The following SLC25A20 variants were observed in gnomAD, a reference collection of about 807,000 sequenced individuals.
The protein encoded by SLC25A20 is solute carrier family 25 member 20.
In SLC25A20, 29 loss-of-function variants were observed where a neutral mutation model predicts 39.7. The ratio of observed to expected loss-of-function variants is 0.73; its 90% CI spans 0.54 to 1.00. The LOEUF is 1.00. SLC25A20 is among the 50% of genes least tolerant of loss of function. SLC25A20 has a pLI of 0.00. For synonymous variants in SLC25A20, 103 were observed against 142.2 expected, an observed-to-expected ratio of 0.72 and a Z score of 1.96; for missense variants, 333 against 379.9, an observed-to-expected ratio of 0.88 and a Z score of 1.03.
chr3:48,891,016 T>C (rs1274721079), intron 2 of SLC25A20, among the ~76,000 whole-genome samples: 1 of 152,066 alleles, frequency 6.6e-6, no homozygotes, highest in Admixed American at 6.6e-5. Context: ...ACTACCAGTC[T>C]CCATGTCTTG....
At chr3:48,872,454 A>C (rs1226670655) in intron 4 of SLC25A20, among the ~76,000 whole-genome samples, 1 of 151,804 alleles carries the variant, frequency 6.6e-6, no homozygotes, top group East Asian at 1.9e-4. Flanking sequence ...TAAAAGGTGC[A>C]AACACAGTTC....
chr3:48,862,733 A>G, intron 4 of SLC25A20, 74 bp from the exon 5 acceptor site: 2 of 922,758 alleles, frequency 2.2e-6, no homozygotes, highest in South Asian at 1.3e-5. Context: ...GAGACTACAA[A>G]GTAAGTATGG....
In SLC25A20 at chr3:48,878,273, AATAT is replaced by A. The variant is rs201286551; in HGVS notation, c.417+1081_417+1084del. On this transcript the variant is annotated intron_variant, in intron 4 of 8. Transcript: ENST00000319017. ...AGACTCCATCTCCACAAAAAAAAAA[AATAT>A]ATATATATATATATATATATATGTA... Among the ~76,000 whole-genome samples, 1,152 of 127,590 alleles carry A rather than the reference AATAT, an allele frequency of 9.0e-3. 24 individuals are homozygous for A. Among genetic ancestry groups the A allele is most frequent in the African/African-American group, 0.023 (828 of 35,254 alleles). The allele number at this position is 127,590 out of a possible 152,430, so 83.7% of individuals were successfully genotyped here. A position where few individuals can be genotyped will look rare whatever the true frequency, so the allele number is the denominator to read the frequency against.
intron 8 of SLC25A20, among the ~76,000 whole-genome samples, chr3:48,858,303 A>G (rs1406420513): frequency 6.6e-6 from 1 of 152,132 alleles, no homozygotes; most frequent in African/African-American, 2.4e-5. Flanking sequence ...AGGTCAGGAA[A>G]TCAAAGCCCC....
Position 48,898,807 on chromosome 3 carries a change from T to C in SLC25A20, c.-13A>G. 6.4e-7 allele frequency: 1 copy of C among 1,555,288 alleles called. No homozygotes were observed. Among genetic ancestry groups the C allele is most frequent in the Non-Finnish European group, 8.7e-7 (1 of 1,149,186 alleles). On this transcript the variant is annotated 5_prime_UTR_variant, in exon 1 of 9. Coordinates refer to ENST00000319017, the MANE Select transcript of SLC25A20 (RefSeq NM_000387.6). ...GCTGGTCGGCCATGGTCAGTCCGTC[T>C]GTCACTCCGTCTGTCAGTTCTCGGG...
chr3:48,881,751 C>T (rs1227173195), intron 3 of SLC25A20, among the ~76,000 whole-genome samples: 1 of 152,102 alleles, frequency 6.6e-6, no homozygotes, highest in African/African-American at 2.4e-5. Context: ...CATGCATGGC[C>T]CTGATACATC....
chr3:48,860,396 C>T (rs536662302), intron 5 of SLC25A20, among the ~76,000 whole-genome samples: 14 of 151,814 alleles, frequency 9.2e-5, no homozygotes, highest in African/African-American at 2.4e-4. Context: ...GGGCGGATCA[C>T]GAGGTCAAGA....
chr3:48,891,131 C>T (rs1019108048), intron 2 of SLC25A20, among the ~76,000 whole-genome samples: 13 of 151,884 alleles, frequency 8.6e-5, no homozygotes, highest in African/African-American at 2.9e-4. Context: ...CGCTAAGCCC[C>T]GTAGGGCTGG....
Position 48,879,364 on chromosome 3 carries a change from T to G in SLC25A20, c.411A>C (p.Leu137Phe), listed in dbSNP as rs758883469. The stretch of plus-strand genomic sequence containing the variant: ...CCTCCAATCACAACCTTACCTGTAA[T>G]AAGCACTTGATCCGTTCTCCAGGAG... Reference protein sequence around the residue: ...IMTPGERIKCLLQIQASSGES... With the variant: ...IMTPGERIKCFLQIQASSGES... Residue 137 changes from leucine to phenylalanine, a missense_variant, in exon 4 of 9, where the codon TTA becomes TTC. Transcript: ENST00000319017. 6.2e-7 allele frequency: 1 copy of G among 1,608,862 alleles called. No homozygotes were observed. Among genetic ancestry groups the G allele is most frequent in the Non-Finnish European group, 8.5e-7 (1 of 1,175,340 alleles).
chr3:48,882,754 T>C (rs2083803384), intron 3 of SLC25A20, among the ~76,000 whole-genome samples: 1 of 152,092 alleles, frequency 6.6e-6, no homozygotes, highest in Non-Finnish European at 1.5e-5. Context: ...CCCAGAGTGA[T>C]GGTGTGTGCC....
chr3:48,859,305 G>A, intron 6 of SLC25A20, 104 bp from the exon 7 acceptor site: 1 of 1,078,824 alleles, frequency 9.3e-7, no homozygotes, highest in African/African-American at 1.6e-5. Context: ...GGCAGAAACT[G>A]GTTGGAGGGA....
intron 4 of SLC25A20, among the ~76,000 whole-genome samples, chr3:48,876,592 A>G (rs1427704284): frequency 6.6e-6 from 1 of 150,550 alleles, no homozygotes; most frequent in African/African-American, 2.4e-5. Flanking sequence ...CTCCTGGCTA[A>G]TTTTTGTATT....
intron 3 of SLC25A20, among the ~76,000 whole-genome samples, chr3:48,880,170 A>C (rs1306109152): frequency 6.6e-6 from 1 of 152,218 alleles, no homozygotes; most frequent in Non-Finnish European, 1.5e-5. Context: ...TGGCCCCCAC[A>C]GAATGAACAA....
rs148259116 is a variant in SLC25A20, at chr3:48,884,035, C to T, written c.288G>A (p.Gly96=). 6.8e-6 allele frequency: 11 copies of T among 1,613,828 alleles called. No homozygotes were observed. In the African/African-American group the frequency reaches 1.3e-4, roughly 20 times the overall value. The stretch of plus-strand genomic sequence containing the variant: ...CTGGGTGTTTCTGTTGTAGTTTCTT[C>T]CCCAAACCAAACCCAAAGAAGCACA... ...FAVCFFGFGL[G]KKLQQKHPED... is the part of the protein sequence containing the mutation. Residue 96 remains glycine (G), a synonymous_variant, in exon 3 of 9, where the codon GGG becomes GGA. Transcript: ENST00000319017.
chr3:48,867,826 C>T (rs2083683840), intron 4 of SLC25A20, among the ~76,000 whole-genome samples: 1 of 151,196 alleles, frequency 6.6e-6, no homozygotes, highest in South Asian at 2.1e-4. Flanking sequence ...TTTGGGAGAC[C>T]GAGGCAGGCG....
chr3:48,898,641 CG>C (rs2083927380), intron 1 of SLC25A20, 48 bp downstream of exon 1: 2 of 1,518,954 alleles, frequency 1.3e-6, no homozygotes, highest in Middle Eastern at 2.2e-4. Context: ...ATGCTTTCCG[CG>C]CCCCGCCCGG....
chr3:48,869,386 A>C (rs554676895), intron 4 of SLC25A20, among the ~76,000 whole-genome samples: 68 of 152,096 alleles, frequency 4.5e-4, no homozygotes, highest in Middle Eastern at 3.2e-3. Flanking sequence ...GGTGGCTCAC[A>C]CCTGTACTCC....
intron 1 of SLC25A20, among the ~76,000 whole-genome samples, chr3:48,893,313 A>G (rs1575993380): frequency 6.6e-6 from 1 of 151,964 alleles, no homozygotes; most frequent in Admixed American, 6.6e-5. Flanking sequence ...TTGCATTTCC[A>G]TGATGGATAA....
At chr3:48,867,802 T>C (rs1186645159) in intron 4 of SLC25A20, among the ~76,000 whole-genome samples, 1 of 151,768 alleles carries the variant, frequency 6.6e-6, no homozygotes, top group African/African-American at 2.4e-5. Context: ...GGCTCATGCC[T>C]GTAATCCCAA....
Sources: allele counts gnomAD v4.1 joint callset (sites outside exome capture counted in the v4.1 genomes callset), GRCh38; gene constraint gnomAD v4.1.1; transcripts MANE v1.5; gene names NCBI Gene and HGNC (gene_info 2026-07-23, HGNC 2026-07-21).